Variants in MAMLD1 observed in about 807,000 individuals in gnomAD.
The protein encoded by MAMLD1 is mastermind like domain containing 1, also known as mastermind-like domain-containing protein 1.
Under a neutral mutation model 45.0 loss-of-function variants are expected in MAMLD1, and 14 were observed. The ratio of observed to expected loss-of-function variants is 0.31; its 90% CI spans 0.21 to 0.49. MAMLD1 has a LOEUF of 0.49. MAMLD1 is among the 20% of genes least tolerant of loss of function. The pLI is 0.99. For synonymous variants in MAMLD1, 254 were observed against 247.8 expected, an observed-to-expected ratio of 1.02 and a Z score of -0.24; for missense variants, 543 against 603.6, an observed-to-expected ratio of 0.90 and a Z score of 1.05.
Position 150,506,231 on chromosome X carries a change from T to C in MAMLD1, c.2284+2714T>C, listed in dbSNP as rs781935772. On this transcript the variant is annotated intron_variant, in intron 6 of 7. Transcript: ENST00000370401. ...TGTCTGCTGGAAAAGGAGACAGGAGTTCCCTAGCATGGAGGGGTAGATAAT... is the reference window on the plus strand; with the variant it reads ...TGTCTGCTGGAAAAGGAGACAGGAGCTCCCTAGCATGGAGGGGTAGATAAT... 5.6e-5 allele frequency among the ~76,000 whole-genome samples: 6 copies of C among 108,064 alleles called. No homozygotes were observed. In the South Asian group the frequency reaches 2.1e-3, roughly 38 times the overall value. 93.8% of individuals were successfully genotyped at this position (108,064 alleles called of 115,157 possible).
At chrX:150,370,396 C>G (rs2031876130) in intron 1 of MAMLD1, among the ~76,000 whole-genome samples, 1 of 112,060 alleles carries the variant, frequency 8.9e-6, no homozygotes, top group South Asian at 3.8e-4. Flanking sequence ...GTTGCAAATA[C>G]TTATTACTTC....
chrX:150,415,186 T>C (rs2034218255), intron 1 of MAMLD1, among the ~76,000 whole-genome samples: 2 of 112,757 alleles, frequency 1.8e-5, no homozygotes, highest in Non-Finnish European at 3.7e-5. Flanking sequence ...TTGGAAAACA[T>C]TTTAATGGAA....
chrX:150,363,798 G>A lies in MAMLD1; in HGVS notation c.-64+268G>A, dbSNP rs782252427. 1.6e-4 allele frequency among the ~76,000 whole-genome samples: 18 copies of A among 112,422 alleles called. No individual in the cohort carries two copies. In the South Asian group the frequency reaches 3.3e-3, roughly 21 times the overall value. ...GGCGCCCGTCGGGCGTCTGAAATCC[G>A]GCGGGGACAGCCACGTACCGGGGAG... On this transcript the variant is annotated intron_variant, in intron 1 of 7. Transcript: ENST00000370401.
chrX:150,473,715 T>C lies in MAMLD1; in HGVS notation c.1953T>C (p.Ala651=). 8.3e-7 allele frequency: 1 copy of C among 1,209,425 alleles called. No individual in the cohort carries two copies. The highest frequency in any genetic ancestry group is 2.3e-4 in the Middle Eastern group (1 of 4,349). The change falls in exon 5 of 8, where the codon GCT becomes GCC. Residue 651 remains alanine, a synonymous_variant. Transcript: ENST00000370401. ...CCHLFAWTSA[A]SSVKPQHQHG... ...ATCTGTTTGCATGGACTTCTGCAGCTAGCTCGGTGAAGCCCCAGCATCAAC... is the reference window on the plus strand; with the variant it reads ...ATCTGTTTGCATGGACTTCTGCAGCCAGCTCGGTGAAGCCCCAGCATCAAC...
At chrX:150,448,897 A>G (rs1158264912) in intron 2 of MAMLD1, among the ~76,000 whole-genome samples, 1 of 111,841 alleles carries the variant, frequency 8.9e-6, no homozygotes, top group Non-Finnish European at 1.9e-5. Context: ...ATAAGTGGCA[A>G]AGATTCCTCC....
chrX:150,392,792 C>CT (rs1198933732), intron 1 of MAMLD1, among the ~76,000 whole-genome samples: 6 of 109,105 alleles, frequency 5.5e-5, no homozygotes, highest in Admixed American at 2.0e-4. Context: ...AAAAAAAATA[C>CT]TTTTTTTAAC....
rs999962893 is a variant in MAMLD1 at position 150,445,366 on chromosome X, C to T, written c.-63-88C>T. The stretch of plus-strand genomic sequence containing the variant: ...AGGAATGTGGCTGACTCCACACAAA[C>T]CTGTCTTCAGAGTGAAAGTCTGTGA... On this transcript the variant is annotated intron_variant, in intron 1 of 7. Coordinates refer to ENST00000370401, the MANE Select transcript of MAMLD1 (RefSeq NM_005491.5). The T allele has an allele frequency of 1.0e-5, 5 of 494,823 alleles. No homozygotes were observed. In the African/African-American group the frequency reaches 1.2e-4, roughly 12 times the overall value. The allele number at this position is 494,823 out of a possible 1,213,427, so 40.8% of individuals were successfully genotyped here.
At chrX:150,447,395 T>A (rs1252029591) in intron 2 of MAMLD1, among the ~76,000 whole-genome samples, 1 of 111,810 alleles carries the variant, frequency 8.9e-6, no homozygotes, top group Non-Finnish European at 1.9e-5. Flanking sequence ...GAACAAAGAA[T>A]TTTAAAAATT....
chrX:150,362,265 T>C (rs1319292326), upstream of MAMLD1, among the ~76,000 whole-genome samples: 1 of 110,913 alleles, frequency 9.0e-6, no homozygotes, highest in Admixed American at 9.4e-5. Flanking sequence ...GCCTGGCCGC[T>C]AGCCCTAGGG....
At chrX:150,503,225 A>G (rs2037618280) in intron 5 of MAMLD1, 49 bp from the exon 6 acceptor site, 2 of 1,104,930 alleles carry the variant, frequency 1.8e-6, no homozygotes, top group African/African-American at 3.6e-5. Context: ...ATCAGTCAGA[A>G]CCATTTTGTG....
chrX:150,470,887 C>T lies in MAMLD1; in HGVS notation c.1314C>T (p.Thr438=), dbSNP rs782756914. ...LANLMSSTIK[T]PQGHLMSALP... ...ACCTCATGTCCTCTACCATCAAAAC[C>T]CCTCAAGGACACCTGATGTCTGCTC... The change falls in exon 4 of 8, where the codon ACC becomes ACT. Residue 438 remains threonine (T), a synonymous_variant. Transcript: ENST00000370401. 8 of 1,211,713 alleles carry T rather than the reference C, an allele frequency of 6.6e-6. No homozygotes were observed. In the South Asian group the frequency reaches 1.4e-4, roughly 21 times the overall value.
chrX:150,387,437 G>T (rs1314979029), intron 1 of MAMLD1, among the ~76,000 whole-genome samples: 1 of 112,119 alleles, frequency 8.9e-6, no homozygotes, highest in African/African-American at 3.2e-5. Flanking sequence ...GTCAACAGAA[G>T]CTGCTTCTCC....
rs2031321270 is a variant in MAMLD1, at chrX:150,365,169, G to A, written c.-64+1639G>A. ...TATAAAAAGCCCCTTTGTTTCCCAG[G>A]AGGCTGGAGAGAGGGAAGGGGAAAA... On this transcript the variant is annotated intron_variant, in intron 1 of 7. Transcript: ENST00000370401. Among the ~76,000 whole-genome samples the A allele has an allele frequency of 2.7e-5, 3 of 109,261 alleles. No homozygotes were observed. In the Admixed American group the frequency reaches 2.9e-4, roughly 10 times the overall value. The allele number at this position is 109,261 out of a possible 115,157, so 94.9% of individuals were successfully genotyped here.
chrX:150,461,807 C>T (rs782599592), intron 2 of MAMLD1, among the ~76,000 whole-genome samples: 2 of 112,021 alleles, frequency 1.8e-5, no homozygotes, highest in Admixed American at 9.4e-5. Flanking sequence ...ACCATCTGCC[C>T]CTCCTCCCAA....
intron 5 of MAMLD1, among the ~76,000 whole-genome samples, chrX:150,479,069 A>T (rs1557407002): frequency 9.4e-6 from 1 of 106,940 alleles, no homozygotes; most frequent in African/African-American, 3.3e-5. Flanking sequence ...ATCAAAAAAA[A>T]GTTTTTTTTT....
intron 5 of MAMLD1, among the ~76,000 whole-genome samples, chrX:150,487,611 T>C (rs1557407701): frequency 9.0e-6 from 1 of 111,648 alleles, no homozygotes; most frequent in Non-Finnish European, 1.9e-5. Flanking sequence ...AGCTGTGACA[T>C]AGATCAAGTT....
Position 150,462,795 on chromosome X carries a change from GGAA to G in MAMLD1, c.126_128del (p.Glu42del), listed in dbSNP as rs782633784. 2.4e-5 allele frequency: 29 copies of G among 1,209,153 alleles called. No individual in the cohort carries two copies. In the East Asian group the frequency reaches 6.2e-4, roughly 26 times the overall value. ...AGGGAAAGAAGCCCTCGTGGATGGA[GGAA>G]GAAGATTTATCTTTTCTCTACAAGA... is the stretch of plus-strand genomic sequence containing the variant. On this transcript the variant is annotated inframe_deletion, in exon 3 of 8. Coordinates refer to ENST00000370401, the MANE Select transcript of MAMLD1 (RefSeq NM_005491.5).
chrX:150,494,291 G>A (rs1332999754), intron 5 of MAMLD1, among the ~76,000 whole-genome samples: 1 of 111,808 alleles, frequency 8.9e-6, no homozygotes, highest in Non-Finnish European at 1.9e-5. Context: ...CTACTGGGGA[G>A]GCTGAGGCAG....
Position 150,512,020 on chromosome X carries a change from C to A in MAMLD1, c.*61C>A. 1 of 1,091,307 alleles carries A rather than the reference C, an allele frequency of 9.2e-7. No individual in the cohort carries two copies. The allele number at this position is 1,091,307 out of a possible 1,213,427, so 89.9% of individuals were successfully genotyped here. A position where few individuals can be genotyped will look rare whatever the true frequency, so the allele number is the denominator to read the frequency against. ...TGTATGTAGCCGTCCAAGAACAAGT[C>A]ACCTCCAAGTGTAGCCGGATCAAGG... is the stretch of plus-strand genomic sequence containing the variant. On this transcript the variant is annotated 3_prime_UTR_variant, in exon 8 of 8. Coordinates refer to ENST00000370401, the MANE Select transcript of MAMLD1 (RefSeq NM_005491.5).
Sources: gnomAD v4.1 joint callset for allele counts (sites outside exome capture counted in the v4.1 genomes callset) on GRCh38, gnomAD v4.1.1 for gene constraint, MANE v1.5 for transcripts, NCBI Gene and HGNC (gene_info 2026-07-23, HGNC 2026-07-21) for gene names.